The following GALNT7 variants were observed in gnomAD, a reference collection of about 807,000 sequenced individuals.
GALNT7 encodes polypeptide N-acetylgalactosaminyltransferase 7.
In GALNT7, 60 loss-of-function variants were observed where a neutral mutation model predicts 82.1. The observed-to-expected ratio is 0.73, with a 90% confidence interval of 0.59 to 0.91. The LOEUF (loss-of-function observed/expected upper bound fraction) is 0.91. GALNT7 is among the 40% of genes least tolerant of loss of function. The pLI, the probability that GALNT7 is intolerant of heterozygous loss-of-function variation, is 0.00. For synonymous variants in GALNT7, 243 were observed against 275.1 expected, an observed-to-expected ratio of 0.88 and a Z score of 1.15; for missense variants, 660 against 804.2, an observed-to-expected ratio of 0.82 and a Z score of 2.17.
In GALNT7 at chr4:173,318,460, C is replaced by T. The variant is rs773665085; in HGVS notation, c.1737C>T (p.Leu579=). 1.9e-6 allele frequency: 3 copies of T among 1,603,174 alleles called. No individual in the cohort carries two copies. The highest frequency in any genetic ancestry group is 2.6e-6 in the Non-Finnish European group (3 of 1,173,370). The part of the protein sequence containing the change: ...QLFRINEANQ[L]MQYDQCLTKG... Reference sequence around the variant, plus strand: ...TCAGAATCAATGAAGCAAATCAACTCATGCAGTATGACCAGTGTTTGACAA... The same window carrying T: ...TCAGAATCAATGAAGCAAATCAACTTATGCAGTATGACCAGTGTTTGACAA... The change falls in exon 11 of 12, where the codon CTC becomes CTT. Residue 579 remains leucine (L), a synonymous_variant. Coordinates refer to ENST00000265000, the MANE Select transcript of GALNT7 (RefSeq NM_017423.3).
At chr4:173,235,435 T>C (rs1734187607) in intron 1 of GALNT7, among the ~76,000 whole-genome samples, 1 of 152,248 alleles carries the variant, frequency 6.6e-6, no homozygotes, top group African/African-American at 2.4e-5. Context: ...ACAGGCACTT[T>C]GCACAACACG....
intron 5 of GALNT7, chr4:173,297,910 C>G: frequency 6.7e-7 from 1 of 1,502,434 alleles, no homozygotes. Flanking sequence ...CTGGAGTTTA[C>G]TATGGAAACG....
intron 9 of GALNT7, among the ~76,000 whole-genome samples, chr4:173,315,619 T>C (rs1018896971): frequency 6.6e-6 from 1 of 152,186 alleles, no homozygotes; most frequent in African/African-American, 2.4e-5. Context: ...AGGACACTCA[T>C]GCTGCTCTCT....
At chr4:173,270,580 A>G (rs924318008) in intron 2 of GALNT7, among the ~76,000 whole-genome samples, 1 of 152,192 alleles carries the variant, frequency 6.6e-6, no homozygotes, top group African/African-American at 2.4e-5. Context: ...TAGGATTTCT[A>G]AGGTTTTTGA....
At chr4:173,237,205 A>G (rs1401117672) in intron 1 of GALNT7, among the ~76,000 whole-genome samples, 3 of 152,152 alleles carry the variant, frequency 2.0e-5, no homozygotes, top group East Asian at 3.9e-4. Flanking sequence ...TGGGGTGGTT[A>G]TTTTTTCAGA....
chr4:173,282,597 C>G (rs922240071), intron 2 of GALNT7: 8 of 152,112 alleles, frequency 5.3e-5, no homozygotes, highest in Non-Finnish European at 1.5e-5. Flanking sequence ...TGGAGAGGAG[C>G]ATTGTGTGAG....
Position 173,320,081 on chromosome 4 carries a change from G to T in GALNT7, c.1837-1499G>T, listed in dbSNP as rs1316667111. On this transcript the variant is annotated intron_variant, in intron 11 of 11. Transcript: ENST00000265000. The surrounding 1 kb of genome is among the most constrained non-coding windows in gnomAD (Gnocchi z 4.1). The stretch of plus-strand genomic sequence containing the variant: ...ACTTCATTTTTTAAGTTTTGGAGAG[G>T]GATAGACCTTATTTGAGGAAGGTAG... Among the ~76,000 whole-genome samples the T allele has an allele frequency of 6.6e-6, 1 of 152,058 alleles. No individual in the cohort carries two copies. The highest frequency in any genetic ancestry group is 1.5e-5 in the Non-Finnish European group (1 of 67,982).
chr4:173,209,322 G>C (rs1733197623), intron 1 of GALNT7, among the ~76,000 whole-genome samples: 1 of 152,244 alleles, frequency 6.6e-6, no homozygotes, highest in South Asian at 2.1e-4. Context: ...GCCTTGGTCA[G>C]CCCACGTCTT....
intron 1 of GALNT7, among the ~76,000 whole-genome samples, chr4:173,239,141 G>A (rs1269804850): frequency 1.3e-5 from 2 of 152,128 alleles, no homozygotes; most frequent in Non-Finnish European, 2.9e-5. Flanking sequence ...TCCTTGAAGT[G>A]CCAACATGAT....
intron 1 of GALNT7, among the ~76,000 whole-genome samples, chr4:173,245,554 G>A (rs1366946728): frequency 1.3e-5 from 2 of 152,080 alleles, no homozygotes; most frequent in African/African-American, 2.4e-5. Context: ...ACTTGAGCCT[G>A]TGAAAGGAAA....
At chr4:173,232,797 T>A (rs1253798287) in intron 1 of GALNT7, among the ~76,000 whole-genome samples, 1 of 152,132 alleles carries the variant, frequency 6.6e-6, no homozygotes, top group Non-Finnish European at 1.5e-5. Context: ...TACAATAAAT[T>A]GTTGTTCCCT....
chr4:173,216,042 T>C (rs1474808125), intron 1 of GALNT7, among the ~76,000 whole-genome samples: 1 of 152,154 alleles, frequency 6.6e-6, no homozygotes, highest in Non-Finnish European at 1.5e-5. Flanking sequence ...GAGGATGGCT[T>C]GAGCCTGAAA....
chr4:173,196,531 A>G (rs1353076052), intron 1 of GALNT7, among the ~76,000 whole-genome samples: 1 of 152,224 alleles, frequency 6.6e-6, no homozygotes, highest in African/African-American at 2.4e-5. Flanking sequence ...GTTATTTGGT[A>G]ACGTGAAGTT....
At chr4:173,268,044 G>A (rs979705502) in intron 2 of GALNT7, 1 of 154,842 alleles carries the variant, frequency 6.5e-6, no homozygotes, top group Non-Finnish European at 1.5e-5. Context: ...AGTCCTAAAG[G>A]AAGTTAGTAA....
intron 1 of GALNT7, among the ~76,000 whole-genome samples, chr4:173,187,774 A>G (rs1045987654): frequency 2.0e-5 from 3 of 152,140 alleles, no homozygotes; most frequent in African/African-American, 7.2e-5. Context: ...TAATAAAAAT[A>G]TTGGTTTCTT....
intron 1 of GALNT7, among the ~76,000 whole-genome samples, chr4:173,173,942 T>C (rs768427565): frequency 9.2e-5 from 14 of 152,232 alleles, no homozygotes; most frequent in Non-Finnish European, 1.8e-4. Flanking sequence ...AAAGCCATTT[T>C]ATCTCAGTGA....
At chr4:173,261,689 C>T (rs1356618906) in intron 2 of GALNT7, among the ~76,000 whole-genome samples, 6 of 151,964 alleles carry the variant, frequency 3.9e-5, no homozygotes, top group Admixed American at 6.6e-5. Context: ...TGTGGTGGCA[C>T]GCACCTGTAA....
intron 1 of GALNT7, among the ~76,000 whole-genome samples, chr4:173,183,960 G>A (rs1386224535): frequency 1.3e-5 from 2 of 151,904 alleles, no homozygotes; most frequent in African/African-American, 2.4e-5. Flanking sequence ...CCTCCCAGAC[G>A]GGGTCGCGGC....
At chr4:173,222,691 A>T (rs1168321913) in intron 1 of GALNT7, among the ~76,000 whole-genome samples, 1 of 152,160 alleles carries the variant, frequency 6.6e-6, no homozygotes, top group African/African-American at 2.4e-5. Context: ...TTGGACACTT[A>T]TTATTATCCC....
Sources: allele counts gnomAD v4.1 joint callset (sites outside exome capture counted in the v4.1 genomes callset), GRCh38; gene constraint gnomAD v4.1.1; non-coding constraint Gnocchi (gnomAD v3.1); transcripts MANE v1.5; gene names NCBI Gene and HGNC (gene_info 2026-07-23, HGNC 2026-07-21).